IQCK: variants seen among roughly 807,000 people sequenced by gnomAD.
The protein encoded by IQCK is IQ domain-containing protein K.
A neutral mutation model predicts 28.1 loss-of-function variants in IQCK; 29 were observed. The observed-to-expected ratio is 1.03, with a 90% CI of 0.77 to 1.41. The LOEUF is 1.41. Ranked by LOEUF, IQCK falls within the 40% of genes most tolerant of loss-of-function variation. The pLI, the probability that IQCK is intolerant of heterozygous loss-of-function variation, is 0.00. For missense variants in IQCK, 359 were observed against 314.7 expected (o/e 1.14, Z -1.07); for synonymous variants, 113 against 115.1 (o/e 0.98, Z 0.12).
intron 4 of IQCK, among the ~76,000 whole-genome samples, chr16:19,762,592 C>T (rs554321469): frequency 5.9e-5 from 9 of 152,264 alleles, no homozygotes; most frequent in South Asian, 2.1e-4. Context: ...AGGATTCACG[C>T]GTATTTCATC....
At chr16:19,810,296 A>G (rs2055886419) in intron 7 of IQCK, among the ~76,000 whole-genome samples, 1 of 151,610 alleles carries the variant, frequency 6.6e-6, no homozygotes, top group Non-Finnish European at 1.5e-5. Context: ...GGAGATTGAG[A>G]CCATCCTGGC....
At chr16:19,747,849 A>G (rs1035243441) in intron 4 of IQCK, among the ~76,000 whole-genome samples, 2 of 152,222 alleles carry the variant, frequency 1.3e-5, no homozygotes, top group South Asian at 4.1e-4. Context: ...CCAATTCTTG[A>G]TGGGAAGAGC....
exon 10 of IQCK, chr16:19,858,034 C>T (rs535925138): frequency 1.6e-4 from 24 of 153,996 alleles, no homozygotes; most frequent in Non-Finnish European, 3.5e-4. Context: ...GCTCTCCTCC[C>T]GGGTCGTTTT....
intron 7 of IQCK, among the ~76,000 whole-genome samples, chr16:19,822,084 C>CAAAACAA: frequency 1.0e-5 from 1 of 97,640 alleles, no homozygotes; most frequent in East Asian, 3.1e-4. Context: ...AAAAAAAAAA[C>CAAAACAA]AAAAAAAAAA....
In IQCK at chr16:19,725,419, A is replaced by G. The variant is rs138321495; in HGVS notation, c.182-5011A>G. On this transcript the variant is annotated intron_variant, in intron 1 of 7. Transcript: ENST00000564186. ...ACTGTGTTGCCCAGGCTGCTCTTGA[A>G]CTCCCGGGCTCCAACAATCTGCCCA... 4.7e-3 allele frequency among the ~76,000 whole-genome samples: 715 copies of G among 150,966 alleles called. 5 individuals carry two copies. Among genetic ancestry groups the G allele is most frequent in the African/African-American group, 0.017 (698 of 41,074 alleles).
chr16:19,728,921 A>G (rs739563), intron 1 of IQCK, among the ~76,000 whole-genome samples: 26,869 of 152,140 alleles, frequency 0.18, 2,500 homozygotes, highest in South Asian at 0.27. Flanking sequence ...ACTTATGTCC[A>G]TACGACTGTA....
In IQCK at chr16:19,733,147, T is replaced by A. The variant is rs149186323; in HGVS notation, c.247-551T>A. ...TCTTGCTTCTTTTATTTATTTATTT[T>A]TTTTTTTGAGATGGAGTTTCACTCT... On this transcript the variant is annotated intron_variant, in intron 2 of 7. Coordinates refer to ENST00000564186, the Ensembl canonical transcript of IQCK. Among the ~76,000 whole-genome samples, 780 of 152,106 alleles carry A rather than the reference T, an allele frequency of 5.1e-3. 3 individuals are homozygous for A. The highest frequency in any genetic ancestry group is 0.012 in the African/African-American group (512 of 41,482).
intron 6 of IQCK, among the ~76,000 whole-genome samples, chr16:19,770,392 A>G (rs938647583): frequency 6.6e-6 from 1 of 152,174 alleles, no homozygotes; most frequent in African/African-American, 2.4e-5. Context: ...ATTTATTACT[A>G]TACTGTTCAG....
At chr16:19,843,297 C>A (rs2056381377) in intron 9 of IQCK, among the ~76,000 whole-genome samples, 1 of 152,136 alleles carries the variant, frequency 6.6e-6, no homozygotes. Context: ...TTGCAACCAT[C>A]ACTAAATGAA....
chr16:19,809,491 C>T (rs748733878), intron 7 of IQCK, among the ~76,000 whole-genome samples: 1 of 152,198 alleles, frequency 6.6e-6, no homozygotes, highest in Non-Finnish European at 1.5e-5. Context: ...CAGTAAACCA[C>T]ATCAGCTTCC....
In IQCK at chr16:19,735,369, T is replaced by G. The variant is rs1977979871; in HGVS notation, c.393T>G (p.Tyr131Ter). 6.2e-7 allele frequency: 1 copy of G among 1,613,728 alleles called. No individual in the cohort carries two copies. Among genetic ancestry groups the G allele is most frequent in the Non-Finnish European group, 8.5e-7 (1 of 1,179,612 alleles). ...TTGTTTTAGGTTCTCCCAAAGAATA[T>G]TTGGAAACTTTCATCTTTCCTGTTC... is the stretch of plus-strand genomic sequence containing the variant. The change falls in exon 4 of 8, where the codon TAT (tyrosine) becomes TAG (stop). Residue 131 changes from tyrosine to a stop codon, truncating the protein, a stop_gained. Transcript: ENST00000564186. LOFTEE classifies it high-confidence loss of function.
chr16:19,764,045 A>C, exon 6 of IQCK: 1 of 1,614,086 alleles, frequency 6.2e-7, no homozygotes, highest in Non-Finnish European at 8.5e-7. Flanking sequence ...CCAAAATCCA[A>C]AGAGGGCAGG....
chr16:19,729,799 C>G (rs915836106), intron 1 of IQCK, among the ~76,000 whole-genome samples: 1 of 151,428 alleles, frequency 6.6e-6, no homozygotes, highest in African/African-American at 2.4e-5. Context: ...CACCCACCAC[C>G]ATGCCCAGCT....
chr16:19,848,873 T>C (rs1307541017), intron 9 of IQCK, among the ~76,000 whole-genome samples: 1 of 152,212 alleles, frequency 6.6e-6, no homozygotes, highest in Non-Finnish European at 1.5e-5. Context: ...CCTAGAAATT[T>C]GCTAATCAGA....
intron 4 of IQCK, among the ~76,000 whole-genome samples, chr16:19,760,853 T>C (rs148378398): frequency 0.03 from 4,636 of 152,256 alleles, 217 homozygotes; most frequent in African/African-American, 0.11. Flanking sequence ...GCTGCCCATT[T>C]TTATGGTTAT....
intron 1 of IQCK, among the ~76,000 whole-genome samples, chr16:19,718,701 G>A (rs2151666676): frequency 6.6e-6 from 1 of 152,336 alleles, no homozygotes; most frequent in South Asian, 2.1e-4. Flanking sequence ...GCGATCCGTA[G>A]TGAGGTTAAA....
chr16:19,747,175 A>G (rs1157152360), intron 4 of IQCK, among the ~76,000 whole-genome samples: 3 of 152,174 alleles, frequency 2.0e-5, no homozygotes, highest in African/African-American at 7.2e-5. Flanking sequence ...AACTTGGGCT[A>G]GATTTAGCTG....
chr16:19,815,480 A>C (rs1378890707), intron 7 of IQCK, among the ~76,000 whole-genome samples: 3 of 152,038 alleles, frequency 2.0e-5, no homozygotes, highest in African/African-American at 4.8e-5. Flanking sequence ...GTGAGACCCC[A>C]TCTCTACAAT....
At chr16:19,819,270 A>G (rs1191205463) in intron 7 of IQCK, among the ~76,000 whole-genome samples, 1 of 152,096 alleles carries the variant, frequency 6.6e-6, no homozygotes, top group Non-Finnish European at 1.5e-5. Flanking sequence ...AGGCTGGCAG[A>G]TCACTTGAGG....
Sources: allele counts gnomAD v4.1 joint callset (sites outside exome capture counted in the v4.1 genomes callset), GRCh38; gene constraint gnomAD v4.1.1; transcripts MANE v1.5; gene names NCBI Gene and HGNC (gene_info 2026-07-23, HGNC 2026-07-21).